Variants in SCMH1 observed in about 807,000 individuals in gnomAD.
The protein encoded by SCMH1 is polycomb protein SCMH1.
Under a neutral mutation model 70.8 loss-of-function variants are expected in SCMH1, and 37 were observed. The ratio of observed to expected loss-of-function variants is 0.52; its 90% CI spans 0.40 to 0.69. The LOEUF (loss-of-function observed/expected upper bound fraction) is 0.69, where lower values mean the gene tolerates loss of function less well. SCMH1 is among the 30% of genes least tolerant of loss of function. SCMH1 has a pLI of 0.00. For synonymous variants in SCMH1, 292 were observed against 307.4 expected, an observed-to-expected ratio of 0.95 and a Z score of 0.52; for missense variants, 607 against 827.3, an observed-to-expected ratio of 0.73 and a Z score of 3.27.
At chr1:41,067,831 C>A (rs1571741445) in intron 10 of SCMH1, among the ~76,000 whole-genome samples, 1 of 152,130 alleles carries the variant, frequency 6.6e-6, no homozygotes, top group Admixed American at 6.5e-5. Flanking sequence ...AATGTAAATT[C>A]ATCAATTCTA....
intron 6 of SCMH1, among the ~76,000 whole-genome samples, chr1:41,142,229 T>C (rs887219433): frequency 6.6e-6 from 1 of 152,034 alleles, no homozygotes; most frequent in Non-Finnish European, 1.5e-5. Context: ...AGAGGAAGTA[T>C]AGTCAAAGTC....
At chr1:41,155,061 T>A (rs1645397999) in intron 4 of SCMH1, among the ~76,000 whole-genome samples, 1 of 152,208 alleles carries the variant, frequency 6.6e-6, no homozygotes, top group African/African-American at 2.4e-5. Context: ...ACAGATACTC[T>A]TCAGAGGAAA....
At chr1:41,211,262 G>A (rs1188924816) in intron 1 of SCMH1, among the ~76,000 whole-genome samples, 5 of 152,084 alleles carry the variant, frequency 3.3e-5, no homozygotes, top group Non-Finnish European at 4.4e-5. Context: ...TCTGCAATCC[G>A]TCCATCTGAC....
intron 8 of SCMH1, among the ~76,000 whole-genome samples, chr1:41,089,787 C>CTT (rs373229472): frequency 0.12 from 7,003 of 58,432 alleles, 1,559 homozygotes; most frequent in East Asian, 0.37. Flanking sequence ...CATGTTGTCT[C>CTT]TTTTTTTTTT....
intron 8 of SCMH1, among the ~76,000 whole-genome samples, chr1:41,083,788 A>C (rs2148964935): frequency 6.6e-6 from 1 of 152,304 alleles, no homozygotes; most frequent in East Asian, 1.9e-4. Flanking sequence ...ATATAGATCA[A>C]TGGAACAGAA....
intron 9 of SCMH1, among the ~76,000 whole-genome samples, chr1:41,073,999 A>C (rs1453851930): frequency 6.6e-6 from 1 of 151,970 alleles, no homozygotes. Context: ...CATCAGAGAA[A>C]TCTCCCAACA....
At chr1:41,073,618 T>TCCATCCATC (rs147448535) in intron 9 of SCMH1, among the ~76,000 whole-genome samples, 4 of 148,640 alleles carry the variant, frequency 2.7e-5, no homozygotes, top group African/African-American at 7.5e-5. Context: ...ATCACTAAAA[T>TCCATCCATC]CATCCATCCA....
intron 1 of SCMH1, among the ~76,000 whole-genome samples, chr1:41,241,591 C>A (rs1663554542): frequency 6.6e-6 from 1 of 152,166 alleles, no homozygotes; most frequent in Admixed American, 6.5e-5. Flanking sequence ...CCACCTCTGG[C>A]GCCGGAGGGG....
At chr1:41,096,899 G>A (rs985384636) in intron 8 of SCMH1, among the ~76,000 whole-genome samples, 9 of 152,082 alleles carry the variant, frequency 5.9e-5, no homozygotes, top group African/African-American at 2.2e-4. Flanking sequence ...GCTGCTAAAG[G>A]GATTACACAC....
At chr1:41,070,415 C>A (rs564580765) in intron 10 of SCMH1, among the ~76,000 whole-genome samples, 180 bp downstream of exon 10, 1 of 152,244 alleles carries the variant, frequency 6.6e-6, no homozygotes, top group Non-Finnish European at 1.5e-5. Context: ...CCTGAGTTCA[C>A]AGAAAATTTA....
intron 8 of SCMH1, among the ~76,000 whole-genome samples, chr1:41,111,508 T>C (rs961650908): frequency 6.6e-6 from 1 of 152,194 alleles, no homozygotes; most frequent in Non-Finnish European, 1.5e-5. Context: ...GCCTTGCTAA[T>C]TTTTGTATTT....
chr1:41,210,367 TC>T (rs1290981832), intron 1 of SCMH1, among the ~76,000 whole-genome samples: 1 of 152,176 alleles, frequency 6.6e-6, no homozygotes, highest in African/African-American at 2.4e-5. Flanking sequence ...ACTTTAAAGT[TC>T]GTATGGAACC....
At chr1:41,153,824 G>A (rs1645280561) in intron 4 of SCMH1, among the ~76,000 whole-genome samples, 1 of 152,180 alleles carries the variant, frequency 6.6e-6, no homozygotes, top group South Asian at 2.1e-4. Flanking sequence ...GACACCTATT[G>A]TAATGCCCAT....
chr1:41,175,141 G>C (rs551325937), intron 2 of SCMH1, among the ~76,000 whole-genome samples: 1 of 152,210 alleles, frequency 6.6e-6, no homozygotes, highest in African/African-American at 2.4e-5. Context: ...TTATTGAAGA[G>C]ATTAACATTT....
Position 41,050,200 on chromosome 1 carries a change from G to C in SCMH1, c.1106-1310C>G, listed in dbSNP as rs542959483. Reference sequence around the variant, plus strand: ...TCCTAACAGAGTTGTCTCTGGAGTTGTTCTCTCCTCAGGACCCACAGCAAC... The same window carrying C: ...TCCTAACAGAGTTGTCTCTGGAGTTCTTCTCTCCTCAGGACCCACAGCAAC... On this transcript the variant is annotated intron_variant, in intron 10 of 14. Coordinates refer to ENST00000337495, the Ensembl canonical transcript of SCMH1. 3.9e-5 allele frequency among the ~76,000 whole-genome samples: 6 copies of C among 152,284 alleles called. No individual in the cohort carries two copies. In the East Asian group the frequency reaches 1.2e-3, roughly 29 times the overall value.
chr1:41,235,080 A>G (rs1305703287), intron 1 of SCMH1, among the ~76,000 whole-genome samples: 1 of 152,088 alleles, frequency 6.6e-6, no homozygotes, highest in African/African-American at 2.4e-5. Flanking sequence ...TGCCCAATGC[A>G]TTTTGAATAT....
At chr1:41,177,957 T>G (rs549581674) in intron 2 of SCMH1, among the ~76,000 whole-genome samples, 2 of 152,138 alleles carry the variant, frequency 1.3e-5, no homozygotes, top group South Asian at 4.2e-4. Flanking sequence ...AAAGTTGAAA[T>G]GAAGGAAAAA....
intron 7 of SCMH1, among the ~76,000 whole-genome samples, chr1:41,114,919 C>T (rs1241648403): frequency 6.6e-6 from 1 of 152,120 alleles, no homozygotes; most frequent in African/African-American, 2.4e-5. Flanking sequence ...CTCAAGTGAT[C>T]CGTATGCCTT....
intron 2 of SCMH1, among the ~76,000 whole-genome samples, chr1:41,174,801 A>G (rs1455086212): frequency 6.6e-6 from 1 of 152,196 alleles, no homozygotes; most frequent in Non-Finnish European, 1.5e-5. Context: ...TATTGACTTT[A>G]TATCAATATT....
Sources: allele counts gnomAD v4.1 joint callset (sites outside exome capture counted in the v4.1 genomes callset), GRCh38; gene constraint gnomAD v4.1.1; transcripts MANE v1.5; gene names NCBI Gene and HGNC (gene_info 2026-07-23, HGNC 2026-07-21).